The following MCTP1 variants were observed in gnomAD, a reference collection of about 807,000 sequenced individuals.
The protein encoded by MCTP1 is multiple C2 and transmembrane domain-containing protein 1.
In MCTP1, 69 loss-of-function variants were observed where a neutral mutation model predicts 120.6. The ratio of observed to expected loss-of-function variants is 0.57; its 90% CI spans 0.47 to 0.70. MCTP1 has a LOEUF of 0.70. Among genes scored for constraint, MCTP1 ranks in the 30% least tolerant of loss-of-function variants. The pLI is 0.00. For missense variants in MCTP1, 1,203 were observed against 1,248.8 expected, an observed-to-expected ratio of 0.96 and a Z score of 0.55; for synonymous variants, 529 against 493.1, an observed-to-expected ratio of 1.07 and a Z score of -0.96.
intron 1 of MCTP1, among the ~76,000 whole-genome samples, chr5:95,095,970 G>T (rs1182392061): frequency 1.3e-5 from 2 of 152,136 alleles, no homozygotes; most frequent in Non-Finnish European, 2.9e-5. Flanking sequence ...GAGATGGCTG[G>T]CATGTTATTA....
chr5:94,833,202 CT>C (rs1293215831), intron 17 of MCTP1, among the ~76,000 whole-genome samples: 7 of 150,454 alleles, frequency 4.7e-5, no homozygotes, highest in East Asian at 1.9e-4. Context: ...GTTTTGTGTG[CT>C]TTTTTTTTGG....
At chr5:94,857,056 G>A (rs2153229215) in intron 17 of MCTP1, among the ~76,000 whole-genome samples, 1 of 151,844 alleles carries the variant, frequency 6.6e-6, no homozygotes, top group African/African-American at 2.4e-5. Context: ...GGATCTCACA[G>A]CAGACAGAGG....
chr5:94,862,072 G>C (rs1309183784), intron 17 of MCTP1, among the ~76,000 whole-genome samples: 70 of 151,762 alleles, frequency 4.6e-4, no homozygotes, highest in Admixed American at 4.6e-3. Flanking sequence ...TTTGACTATA[G>C]CATAGCATAA....
chr5:95,274,709 T>C (rs1005908027), intron 1 of MCTP1, among the ~76,000 whole-genome samples: 12 of 152,128 alleles, frequency 7.9e-5, no homozygotes, highest in African/African-American at 2.9e-4. Flanking sequence ...CTGCAAACTC[T>C]GCCTCCCGGG....
chr5:95,278,962 C>CAAAAAAAA (rs113219166), intron 1 of MCTP1, among the ~76,000 whole-genome samples: 1 of 80,952 alleles, frequency 1.2e-5, no homozygotes, highest in African/African-American at 3.9e-5. Flanking sequence ...AACTCCGTCT[C>CAAAAAAAA]AAAAAAAAAA....
intron 1 of MCTP1, among the ~76,000 whole-genome samples, chr5:95,276,335 T>C (rs1404441621): frequency 1.4e-5 from 2 of 141,740 alleles, no homozygotes; most frequent in East Asian, 2.4e-4. Flanking sequence ...CTCAGCTCAT[T>C]GCAACCTCTG....
chr5:95,189,298 C>T (rs750135032), intron 1 of MCTP1, among the ~76,000 whole-genome samples: 5 of 152,042 alleles, frequency 3.3e-5, no homozygotes, highest in African/African-American at 1.2e-4. Context: ...AGGAGTGAAG[C>T]GACTGCAAAA....
At chr5:95,264,888 G>C (rs1284241326) in intron 1 of MCTP1, among the ~76,000 whole-genome samples, 1 of 152,154 alleles carries the variant, frequency 6.6e-6, no homozygotes, top group Admixed American at 6.5e-5. Context: ...AAGAAAGGTG[G>C]CAGGGGGTGG....
intron 2 of MCTP1, among the ~76,000 whole-genome samples, chr5:95,003,793 A>C (rs1019553479): frequency 1.3e-5 from 2 of 152,214 alleles, no homozygotes; most frequent in African/African-American, 4.8e-5. Flanking sequence ...ACCCAGTCTC[A>C]GGTATGTCTT....
chr5:95,004,685 T>C (rs953273581), intron 2 of MCTP1, among the ~76,000 whole-genome samples: 1 of 152,232 alleles, frequency 6.6e-6, no homozygotes, highest in Non-Finnish European at 1.5e-5. Flanking sequence ...TTTCATGTGA[T>C]GTTAAACCTC....
intron 1 of MCTP1, chr5:95,081,597 A>G: frequency 7.1e-7 from 1 of 1,417,474 alleles, no homozygotes; most frequent in African/African-American, 1.4e-5. Flanking sequence ...AGTGATAGCA[A>G]CAGCCCTGCA....
intron 1 of MCTP1, among the ~76,000 whole-genome samples, chr5:95,162,598 C>G (rs975994293): frequency 6.6e-6 from 1 of 152,160 alleles, no homozygotes; most frequent in African/African-American, 2.4e-5. Flanking sequence ...ATTATATTGC[C>G]ATCAGACATT....
intron 17 of MCTP1, among the ~76,000 whole-genome samples, chr5:94,802,399 T>C (rs1242471623): frequency 6.6e-6 from 1 of 152,194 alleles, no homozygotes; most frequent in East Asian, 1.9e-4. Context: ...CAATATAATA[T>C]TAGTGATAAT....
rs73774814 is a variant in MCTP1 at position 94,973,478 on chromosome 5, G to A, written c.839-20117C>T. 4.9e-3 allele frequency among the ~76,000 whole-genome samples: 751 copies of A among 152,212 alleles called. 7 individuals are homozygous for A. The highest frequency in any genetic ancestry group is 0.017 in the African/African-American group (694 of 41,544). ...GTTACACCCACTCAGTGAATTTGAC[G>A]GGGAAGATGAGTTATTTAGTGTCTT... On this transcript the variant is annotated intron_variant, in intron 2 of 22. Coordinates refer to ENST00000515393, the MANE Select transcript of MCTP1 (RefSeq NM_024717.7).
intron 1 of MCTP1, among the ~76,000 whole-genome samples, chr5:95,262,668 T>C (rs370081191): frequency 1.4e-4 from 21 of 152,296 alleles, no homozygotes; most frequent in East Asian, 1.4e-3. Context: ...TGTAGCAATG[T>C]GGGAAATTCT....
intron 2 of MCTP1, among the ~76,000 whole-genome samples, chr5:94,982,333 C>A (rs7726267): frequency 0.69 from 104,639 of 151,854 alleles, 37,009 homozygotes; most frequent in Non-Finnish European, 0.78. Context: ...ACAATAACAA[C>A]AAATGAAATT....
intron 1 of MCTP1, among the ~76,000 whole-genome samples, chr5:95,061,032 T>C (rs1420447241): frequency 1.3e-5 from 2 of 148,836 alleles, no homozygotes; most frequent in Non-Finnish European, 3.0e-5. Context: ...CATTCTTAAT[T>C]CCCAGCATGA....
intron 17 of MCTP1, among the ~76,000 whole-genome samples, chr5:94,865,064 G>A (rs184253934): frequency 2.0e-5 from 3 of 151,860 alleles, no homozygotes; most frequent in Non-Finnish European, 2.9e-5. Context: ...TTTTAAAACC[G>A]AATGCATTGC....
At chr5:94,796,375 T>C (rs759677078) in intron 18 of MCTP1, among the ~76,000 whole-genome samples, 1 of 151,814 alleles carries the variant, frequency 6.6e-6, no homozygotes, top group Admixed American at 6.6e-5. Context: ...AATGGTGTGA[T>C]TAATGCACCT....
Sources: allele counts gnomAD v4.1 joint callset (sites outside exome capture counted in the v4.1 genomes callset), GRCh38; gene constraint gnomAD v4.1.1; transcripts MANE v1.5; gene names NCBI Gene and HGNC (gene_info 2026-07-23, HGNC 2026-07-21).